The following KCNH5 variants were observed in gnomAD, a reference collection of about 807,000 sequenced individuals.
KCNH5 encodes the protein voltage-gated delayed rectifier potassium channel KCNH5.
A neutral mutation model predicts 96.1 loss-of-function variants in KCNH5; 46 were observed. The observed-to-expected ratio is 0.48, with a 90% CI of 0.38 to 0.61. KCNH5 has a LOEUF of 0.61. Ranked by LOEUF, KCNH5 falls within the 20% of genes least tolerant of loss-of-function variation. The probability of loss-of-function intolerance (pLI) is 0.00; values close to 1 mark genes in which losing one functional copy is unlikely to be tolerated. For missense variants in KCNH5, 907 were observed against 1,225.8 expected (o/e 0.74, Z 3.88); for synonymous variants, 439 against 449.8 (o/e 0.98, Z 0.30).
chr14:62,817,970 A>C (rs943779020), intron 8 of KCNH5, among the ~76,000 whole-genome samples: 3 of 150,702 alleles, frequency 2.0e-5, no homozygotes, highest in African/African-American at 4.9e-5. Context: ...AAAACGTAGA[A>C]TGAACCTTGA....
intron 7 of KCNH5, among the ~76,000 whole-genome samples, chr14:62,927,102 C>A (rs1165910998): frequency 6.6e-6 from 1 of 152,140 alleles, no homozygotes; most frequent in African/African-American, 2.4e-5. Context: ...ATAGACCCTT[C>A]TTCAAAGAAC....
At chr14:62,737,779 C>T (rs529569967) in intron 10 of KCNH5, among the ~76,000 whole-genome samples, 1 of 152,008 alleles carries the variant, frequency 6.6e-6, no homozygotes, top group Non-Finnish European at 1.5e-5. Context: ...TGTCTAAAAA[C>T]AGAAGCTATG....
chr14:62,794,840 G>T (rs1355065291), intron 9 of KCNH5, among the ~76,000 whole-genome samples: 1 of 151,948 alleles, frequency 6.6e-6, no homozygotes. Flanking sequence ...AATTAATTCA[G>T]ATTTATTGAA....
chr14:62,877,199 T>C (rs1888392091), intron 7 of KCNH5, among the ~76,000 whole-genome samples: 1 of 151,872 alleles, frequency 6.6e-6, no homozygotes, highest in South Asian at 2.1e-4. Context: ...TAATTCAAGA[T>C]GGATTAAAGA....
chr14:63,019,126 G>A (rs1891381180), intron 1 of KCNH5, among the ~76,000 whole-genome samples: 1 of 147,348 alleles, frequency 6.8e-6, no homozygotes, highest in Admixed American at 6.7e-5. Flanking sequence ...GAGCACACAT[G>A]TTATTGGACG....
rs373941818 is a variant in KCNH5 at position 62,947,714 on chromosome 14, G to GACACAC, written c.1369+2413_1369+2418dup. ...ATGGAATCTCAGAAAGGACAGCTTAGACACACACACACACACACACACAAA... is the reference window on the plus strand; with the variant it reads ...ATGGAATCTCAGAAAGGACAGCTTAGACACACACACACACACACACACACACACAAA... On this transcript the variant is annotated intron_variant, in intron 7 of 10. Coordinates refer to ENST00000322893, the MANE Select transcript of KCNH5 (RefSeq NM_139318.5). Among the ~76,000 whole-genome samples the GACACAC allele has an allele frequency of 1.3e-3, 192 of 149,612 alleles. 2 individuals carry two copies. Among genetic ancestry groups the GACACAC allele is most frequent in the African/African-American group, 4.1e-3 (167 of 40,838 alleles).
chr14:62,849,426 A>C (rs1374770960), intron 8 of KCNH5, among the ~76,000 whole-genome samples: 2 of 152,182 alleles, frequency 1.3e-5, no homozygotes, highest in African/African-American at 4.8e-5. Context: ...TCACGAACTG[A>C]ATTTTCTAAA....
In KCNH5 at chr14:62,703,042, C is replaced by G. The variant is rs1447850076; in HGVS notation, c.*4466G>C. ...TACCTTGGCCACTTACCAATTTTTT[C>G]ACAAAATTGAGAATTTCTGCCAAGC... On this transcript the variant is annotated 3_prime_UTR_variant, in exon 11 of 11. Transcript: ENST00000322893. The G allele has an allele frequency of 6.6e-6, 1 of 151,888 alleles. No individual in the cohort carries two copies. The highest frequency in any genetic ancestry group is 1.9e-4 in the East Asian group (1 of 5,192). The allele number at this position is 151,888 out of a possible 1,614,324, so 9.4% of individuals were successfully genotyped here. A position where few individuals can be genotyped will look rare whatever the true frequency, so the allele number is the denominator to read the frequency against.
chr14:62,939,801 G>A (rs923861069), intron 7 of KCNH5, among the ~76,000 whole-genome samples: 4 of 152,106 alleles, frequency 2.6e-5, no homozygotes, highest in African/African-American at 4.8e-5. Flanking sequence ...TTAGCCAGAC[G>A]TGGTGGTGCA....
At chr14:62,958,838 C>T (rs755089797) in intron 6 of KCNH5, among the ~76,000 whole-genome samples, 15 of 152,096 alleles carry the variant, frequency 9.9e-5, no homozygotes, top group Non-Finnish European at 2.2e-4. Context: ...CTGTCAACTA[C>T]CTAGCAAGTT....
intron 7 of KCNH5, among the ~76,000 whole-genome samples, chr14:62,883,882 G>T (rs555087012): frequency 6.6e-6 from 1 of 152,214 alleles, no homozygotes; most frequent in Non-Finnish European, 1.5e-5. Flanking sequence ...CAGAGGCAAA[G>T]GTCCTTTGCC....
intron 8 of KCNH5, among the ~76,000 whole-genome samples, chr14:62,803,229 G>T (rs1228360200): frequency 6.6e-6 from 1 of 152,130 alleles, no homozygotes; most frequent in Non-Finnish European, 1.5e-5. Flanking sequence ...AAAGAGTCAA[G>T]TAAAATAGGG....
intron 8 of KCNH5, among the ~76,000 whole-genome samples, chr14:62,806,385 T>C (rs1886766667): frequency 6.6e-6 from 1 of 152,122 alleles, no homozygotes; most frequent in African/African-American, 2.4e-5. Flanking sequence ...GAACCCTCTC[T>C]TGGGGTCTGG....
intron 7 of KCNH5, among the ~76,000 whole-genome samples, chr14:62,910,954 T>C (rs1889141358): frequency 7.5e-6 from 1 of 133,244 alleles, no homozygotes; most frequent in South Asian, 2.9e-4. Flanking sequence ...CCTCTGTTGT[T>C]CTGTCATCCT....
At chr14:62,968,510 T>A (rs559139750) in intron 6 of KCNH5, among the ~76,000 whole-genome samples, 1 of 152,186 alleles carries the variant, frequency 6.6e-6, no homozygotes, top group Admixed American at 6.5e-5. Context: ...ATTATTTACA[T>A]GACAGCAAAA....
chr14:63,011,338 CATG>C (rs1380875779), intron 2 of KCNH5, among the ~76,000 whole-genome samples: 6 of 151,910 alleles, frequency 3.9e-5, no homozygotes, highest in African/African-American at 1.5e-4. Flanking sequence ...ATTAGCTAGG[CATG>C]GTGGCGGGTG....
intron 7 of KCNH5, among the ~76,000 whole-genome samples, chr14:62,883,891 C>A (rs1475405151): frequency 6.6e-6 from 1 of 152,046 alleles, no homozygotes; most frequent in African/African-American, 2.4e-5. Context: ...AGGTCCTTTG[C>A]CCCAATTTAC....
At chr14:62,868,785 T>C (rs1324791750) in intron 7 of KCNH5, among the ~76,000 whole-genome samples, 1 of 152,086 alleles carries the variant, frequency 6.6e-6, no homozygotes, top group Admixed American at 6.6e-5. Context: ...GAACATGCAG[T>C]GTTTGGTTTT....
chr14:62,953,201 A>G (rs900507504), intron 6 of KCNH5, among the ~76,000 whole-genome samples: 5 of 151,808 alleles, frequency 3.3e-5, no homozygotes, highest in African/African-American at 9.7e-5. Context: ...CATATATATC[A>G]AGCATTATAG....
Sources: allele counts gnomAD v4.1 joint callset (sites outside exome capture counted in the v4.1 genomes callset), GRCh38; gene constraint gnomAD v4.1.1; transcripts MANE v1.5; gene names NCBI Gene and HGNC (gene_info 2026-07-23, HGNC 2026-07-21).